The following CCDC73 variants were observed in gnomAD, a reference collection of about 807,000 sequenced individuals.
CCDC73 encodes the protein coiled-coil domain containing 73, also known as coiled-coil domain-containing protein 73.
In CCDC73, 95 loss-of-function variants were observed where a neutral mutation model predicts 116.5. That is an observed-to-expected ratio of 0.82 (90% CI 0.69 to 0.97). CCDC73 has a LOEUF of 0.97. Ranked by LOEUF, CCDC73 falls within the 50% of genes least tolerant of loss-of-function variation. CCDC73 has a pLI of 0.00. For synonymous variants in CCDC73, 398 were observed against 401.3 expected (o/e 0.99, Z 0.10); for missense variants, 1,066 against 1,206.8 (o/e 0.88, Z 1.73).
chr11:32,637,665 C>G (rs1855695118), intron 13 of CCDC73, among the ~76,000 whole-genome samples: 1 of 151,598 alleles, frequency 6.6e-6, no homozygotes, highest in Admixed American at 6.6e-5. Context: ...CACACACACC[C>G]CACTCACAAA....
At chr11:32,664,232 T>C (rs1453341473) in intron 9 of CCDC73, among the ~76,000 whole-genome samples, 1 of 152,242 alleles carries the variant, frequency 6.6e-6, no homozygotes, top group South Asian at 2.1e-4. Context: ...TTTCTATTGA[T>C]TGGAGTAGTT....
chr11:32,814,766 G>A, the CCDC73 span, among the ~76,000 whole-genome samples: 1 of 152,074 alleles, frequency 6.6e-6, no homozygotes, highest in African/African-American at 2.4e-5. Context: ...GTCAAAAAAT[G>A]AAAACAGCCC....
chr11:32,612,908 T>A (rs1313381082), intron 16 of CCDC73, among the ~76,000 whole-genome samples: 3 of 152,216 alleles, frequency 2.0e-5, no homozygotes, highest in Non-Finnish European at 4.4e-5. Flanking sequence ...ATATGGCAGT[T>A]TTTAAGACAG....
chr11:32,698,878 G>A (rs1849782061), intron 6 of CCDC73, among the ~76,000 whole-genome samples: 1 of 152,042 alleles, frequency 6.6e-6, no homozygotes, highest in Non-Finnish European at 1.5e-5. Context: ...TTTTGTATTT[G>A]CAGAAAATAA....
chr11:32,686,104 CT>C (rs978613213), intron 6 of CCDC73, among the ~76,000 whole-genome samples: 2 of 146,818 alleles, frequency 1.4e-5, no homozygotes, highest in African/African-American at 5.0e-5. Flanking sequence ...ACTTAATAAG[CT>C]ACTGCAATAA....
chr11:32,638,886 G>A (rs957841892), intron 13 of CCDC73, among the ~76,000 whole-genome samples: 5 of 151,870 alleles, frequency 3.3e-5, no homozygotes, highest in African/African-American at 7.3e-5. Context: ...AGTGGCTCAC[G>A]CCTGTAATCC....
intron 6 of CCDC73, among the ~76,000 whole-genome samples, chr11:32,688,706 G>A (rs1213237998): frequency 1.3e-5 from 2 of 152,132 alleles, no homozygotes; most frequent in Non-Finnish European, 2.9e-5. Flanking sequence ...TCTTTGTATT[G>A]TAGTTCCAAT....
intron 6 of CCDC73, among the ~76,000 whole-genome samples, chr11:32,690,675 C>T (rs1210358749): frequency 6.6e-6 from 1 of 152,172 alleles, no homozygotes; most frequent in African/African-American, 2.4e-5. Flanking sequence ...GACATGCTTA[C>T]TTCCCCGCCC....
chr11:32,673,205 C>A (rs1252586678), intron 9 of CCDC73, among the ~76,000 whole-genome samples: 1 of 152,012 alleles, frequency 6.6e-6, no homozygotes, highest in Non-Finnish European at 1.5e-5. Context: ...AATTGCAAAT[C>A]AAAACAAGAT....
intron 1 of CCDC73, among the ~76,000 whole-genome samples, chr11:32,792,802 T>C (rs1850688642): frequency 2.6e-5 from 4 of 152,216 alleles, no homozygotes; most frequent in Admixed American, 2.6e-4. Flanking sequence ...TTGTCGGCTG[T>C]GTAATCAGCC....
At chr11:32,616,168 C>T in intron 14 of CCDC73, 39 bp from the exon 15 acceptor site, 1 of 1,518,134 alleles carries the variant, frequency 6.6e-7, no homozygotes, top group South Asian at 1.3e-5. Context: ...AAAACATTGC[C>T]TACAAGTATA....
At chr11:32,616,804 G>A (rs1855478726) in intron 14 of CCDC73, among the ~76,000 whole-genome samples, 1 of 152,144 alleles carries the variant, frequency 6.6e-6, no homozygotes, top group South Asian at 2.1e-4. Context: ...CTTACAGTCT[G>A]GTATGAAGAT....
intron 12 of CCDC73, among the ~76,000 whole-genome samples, chr11:32,647,195 C>T (rs1286129689): frequency 1.3e-5 from 2 of 152,178 alleles, no homozygotes; most frequent in Non-Finnish European, 2.9e-5. Context: ...GGAAGCATAG[C>T]ACTGGCATCT....
At chr11:32,718,053 C>T (rs761838200) in intron 3 of CCDC73, 23 bp downstream of exon 3, 1 of 1,550,218 alleles carries the variant, frequency 6.5e-7, no homozygotes, top group Non-Finnish European at 8.8e-7. Context: ...GCTGGGGACA[C>T]AAAGCCTAAT....
At chr11:32,652,143 A>G (rs753267146) in intron 12 of CCDC73, among the ~76,000 whole-genome samples, 1 of 152,164 alleles carries the variant, frequency 6.6e-6, no homozygotes, top group Non-Finnish European at 1.5e-5. Context: ...CCAAACTTCA[A>G]GAAACATATG....
intron 1 of CCDC73, among the ~76,000 whole-genome samples, chr11:32,769,848 G>A (rs1263658600): frequency 6.6e-6 from 1 of 152,048 alleles, no homozygotes; most frequent in African/African-American, 2.4e-5. Context: ...CCTTCATATT[G>A]CTGAGCAACC....
At chr11:32,739,742 G>A (rs1850167007) in intron 2 of CCDC73, among the ~76,000 whole-genome samples, 1 of 151,494 alleles carries the variant, frequency 6.6e-6, no homozygotes, top group Admixed American at 6.6e-5. Flanking sequence ...GAATAACAGT[G>A]GGCATCCTTG....
intron 9 of CCDC73, among the ~76,000 whole-genome samples, chr11:32,670,985 A>G (rs1856032953): frequency 6.6e-6 from 1 of 152,208 alleles, no homozygotes. Flanking sequence ...GACCTCAGGA[A>G]AAGATCTTCC....
chr11:32,783,022 G>C (rs910529851), intron 1 of CCDC73, among the ~76,000 whole-genome samples: 1 of 151,982 alleles, frequency 6.6e-6, no homozygotes, highest in Non-Finnish European at 1.5e-5. Flanking sequence ...TCATCAAAAA[G>C]TTTCTAAATC....
Sources: gnomAD v4.1 joint callset for allele counts (sites outside exome capture counted in the v4.1 genomes callset) on GRCh38, gnomAD v4.1.1 for gene constraint, MANE v1.5 for transcripts, NCBI Gene and HGNC (gene_info 2026-07-23, HGNC 2026-07-21) for gene names.